Variants in SLIT3 observed in about 807,000 individuals in gnomAD.
SLIT3 encodes the protein slit guidance ligand 3.
A neutral mutation model predicts 184.0 loss-of-function variants in SLIT3; 68 were observed. That is an observed-to-expected ratio of 0.37 (90% CI 0.30 to 0.45). SLIT3 has a LOEUF of 0.45. Ranked by LOEUF, SLIT3 falls within the 20% of genes least tolerant of loss-of-function variation. The pLI is 1.00. For synonymous variants in SLIT3, 831 were observed against 828.6 expected (o/e 1.00, Z -0.05); for missense variants, 1,707 against 2,026.0 (o/e 0.84, Z 3.02).
chr5:169,184,343 G>T (rs1033574136), intron 4 of SLIT3, among the ~76,000 whole-genome samples: 1 of 152,204 alleles, frequency 6.6e-6, no homozygotes, highest in African/African-American at 2.4e-5. Context: ...AAGTCAGAGA[G>T]ACCTGGGTTC....
intron 4 of SLIT3, among the ~76,000 whole-genome samples, chr5:168,925,880 C>T (rs1172419299): frequency 1.3e-5 from 2 of 152,120 alleles, no homozygotes; most frequent in South Asian, 2.1e-4. Context: ...AGAGCTCAGC[C>T]GGTTGCTGAG....
At chr5:169,258,820 T>G (rs2113609379) in intron 1 of SLIT3, among the ~76,000 whole-genome samples, 1 of 152,322 alleles carries the variant, frequency 6.6e-6, no homozygotes, top group South Asian at 2.1e-4. Context: ...CTGCAAAATT[T>G]TCTTCCAGCT....
At chr5:168,883,786 T>A (rs939991687) in intron 4 of SLIT3, among the ~76,000 whole-genome samples, 1 of 151,996 alleles carries the variant, frequency 6.6e-6, no homozygotes, top group African/African-American at 2.4e-5. Flanking sequence ...TCTGCCTTTG[T>A]CACAGGGGAT....
chr5:168,943,543 G>C (rs1222770782), intron 4 of SLIT3, among the ~76,000 whole-genome samples: 2 of 152,178 alleles, frequency 1.3e-5, no homozygotes, highest in East Asian at 3.8e-4. Context: ...CTCTAGATTA[G>C]CTTCTCTAAG....
chr5:169,094,865 G>A (rs1413022955), intron 4 of SLIT3, among the ~76,000 whole-genome samples: 1 of 152,186 alleles, frequency 6.6e-6, no homozygotes, highest in Non-Finnish European at 1.5e-5. Context: ...CACAACAGAA[G>A]AGCTGAGTGG....
At chr5:168,849,977 G>T (rs112496797) in intron 5 of SLIT3, among the ~76,000 whole-genome samples, 3,273 of 150,844 alleles carry the variant, frequency 0.022, 63 homozygotes, top group Middle Eastern at 0.058. Context: ...TTTGAAGGTT[G>T]TTTTTTTTTA....
At chr5:168,794,508 T>C (rs1376854727) in intron 10 of SLIT3, among the ~76,000 whole-genome samples, 2 of 152,116 alleles carry the variant, frequency 1.3e-5, no homozygotes, top group African/African-American at 4.8e-5. Context: ...GGTGATGCAA[T>C]GGTGCCGTCC....
intron 4 of SLIT3, among the ~76,000 whole-genome samples, chr5:169,033,954 A>G (rs1398893627): frequency 1.3e-5 from 2 of 151,892 alleles, no homozygotes; most frequent in Non-Finnish European, 2.9e-5. Flanking sequence ...CTGGGACTAC[A>G]GGTGTCCACC....
At chr5:168,997,108 C>T (rs1359987244) in intron 4 of SLIT3, among the ~76,000 whole-genome samples, 1 of 152,110 alleles carries the variant, frequency 6.6e-6, no homozygotes, top group Admixed American at 6.5e-5. Context: ...AGTTTTATGC[C>T]TGGTGCACTA....
intron 4 of SLIT3, among the ~76,000 whole-genome samples, chr5:169,054,720 C>T (rs537105669): frequency 3.3e-5 from 5 of 152,230 alleles, no homozygotes; most frequent in Non-Finnish European, 5.9e-5. Context: ...GCATGCGGAA[C>T]GACGTCTGCC....
chr5:169,015,068 T>C (rs1172694408), intron 4 of SLIT3, among the ~76,000 whole-genome samples: 1 of 150,764 alleles, frequency 6.6e-6, no homozygotes, highest in African/African-American at 2.4e-5. Flanking sequence ...GGGCTATCCA[T>C]CCATATAAAA....
chr5:169,168,120 C>G (rs1338016160), intron 4 of SLIT3, among the ~76,000 whole-genome samples: 1 of 152,194 alleles, frequency 6.6e-6, no homozygotes, highest in Non-Finnish European at 1.5e-5. Context: ...TTCTCCTACA[C>G]CGTAGGTCAA....
chr5:168,831,388 G>T (rs912150130), intron 6 of SLIT3, among the ~76,000 whole-genome samples: 1 of 152,084 alleles, frequency 6.6e-6, no homozygotes, highest in South Asian at 2.1e-4. Flanking sequence ...GGACTATCCT[G>T]GGTGCTGCAT....
At chr5:169,119,381 G>C (rs568274503) in intron 4 of SLIT3, among the ~76,000 whole-genome samples, 1 of 152,302 alleles carries the variant, frequency 6.6e-6, no homozygotes, top group South Asian at 2.1e-4. Context: ...ATAAAAGCTG[G>C]TTACACTGTT....
At chr5:168,774,668 C>A (rs1219470498) in intron 12 of SLIT3, among the ~76,000 whole-genome samples, 3 of 152,174 alleles carry the variant, frequency 2.0e-5, no homozygotes, top group Non-Finnish European at 4.4e-5. Context: ...GAAAAGGCAC[C>A]CTAAGTGCTT....
intron 1 of SLIT3, among the ~76,000 whole-genome samples, chr5:169,276,977 A>G (rs1766828847): frequency 6.6e-6 from 1 of 152,184 alleles, no homozygotes; most frequent in African/African-American, 2.4e-5. Context: ...GTACATTCAC[A>G]ATGTGGTGCA....
intron 9 of SLIT3, among the ~76,000 whole-genome samples, chr5:168,802,530 G>A (rs1473479221): frequency 2.0e-5 from 3 of 152,300 alleles, no homozygotes; most frequent in African/African-American, 7.2e-5. Context: ...CCAATACGCA[G>A]GGGCAGTCTT....
intron 12 of SLIT3, among the ~76,000 whole-genome samples, chr5:168,782,612 C>T (rs1458887066): frequency 6.6e-6 from 1 of 152,156 alleles, no homozygotes; most frequent in African/African-American, 2.4e-5. Context: ...GAAGACAGGT[C>T]ATTTCTCTAA....
At chr5:168,806,723 C>CAGGTGAAGGGAGA in intron 8 of SLIT3, 136 bp from the exon 9 acceptor site, 1 of 982,660 alleles carries the variant, frequency 1.0e-6, no homozygotes, top group Non-Finnish European at 1.5e-6. Flanking sequence ...TGACATCTCC[C>CAGGTGAAGGGAGA]TTCACCTGGG....
Sources: allele counts gnomAD v4.1 joint callset (sites outside exome capture counted in the v4.1 genomes callset), GRCh38; gene constraint gnomAD v4.1.1; transcripts MANE v1.5; gene names NCBI Gene and HGNC (gene_info 2026-07-23, HGNC 2026-07-21).